The following RPTOR variants were observed in gnomAD, a reference collection of about 807,000 sequenced individuals.
RPTOR encodes regulatory associated protein of MTOR complex 1, also known as regulatory-associated protein of mTOR.
Under a neutral mutation model 169.9 loss-of-function variants are expected in RPTOR, and 21 were observed. That is an observed-to-expected ratio of 0.12 (90% CI 0.09 to 0.18). The LOEUF (loss-of-function observed/expected upper bound fraction) is 0.18, where lower values mean the gene tolerates loss of function less well. Ranked by LOEUF, RPTOR falls within the 10% of genes least tolerant of loss-of-function variation. RPTOR has a pLI of 1.00. For synonymous variants in RPTOR, 732 were observed against 753.2 expected (o/e 0.97, Z 0.46); for missense variants, 1,133 against 1,855.9 (o/e 0.61, Z 7.16).
intron 11 of RPTOR, among the ~76,000 whole-genome samples, chr17:80,853,523 T>C (rs920249789): frequency 5.3e-5 from 8 of 152,170 alleles, no homozygotes; most frequent in African/African-American, 1.9e-4. Context: ...CTACTGTCTG[T>C]GGTCACTCTC....
At chr17:80,798,908 C>T (rs1007684636) in intron 7 of RPTOR, among the ~76,000 whole-genome samples, 1 of 152,188 alleles carries the variant, frequency 6.6e-6, no homozygotes, top group African/African-American at 2.4e-5. Flanking sequence ...TCCCTACACA[C>T]CATGACTGTC....
intron 23 of RPTOR, 59 bp from the exon 24 acceptor site, chr17:80,925,311 A>C: frequency 1.4e-6 from 2 of 1,438,024 alleles, no homozygotes; most frequent in South Asian, 1.2e-5. Context: ...TGAGCTCAGG[A>C]GTGGCATGAC....
chr17:80,932,507 G>A (rs1170008591), intron 24 of RPTOR, among the ~76,000 whole-genome samples: 1 of 152,172 alleles, frequency 6.6e-6, no homozygotes, highest in Non-Finnish European at 1.5e-5. Context: ...GGCATTGACA[G>A]CAAAGGTAGA....
chr17:80,556,450 G>T (rs559062590), intron 1 of RPTOR, among the ~76,000 whole-genome samples: 25 of 152,246 alleles, frequency 1.6e-4, no homozygotes, highest in African/African-American at 4.8e-4. Flanking sequence ...GGTTGAGGCT[G>T]CAGTAGTAAG....
chr17:80,753,712 A>T (rs1038036064), intron 5 of RPTOR, among the ~76,000 whole-genome samples: 1 of 152,036 alleles, frequency 6.6e-6, no homozygotes, highest in Non-Finnish European at 1.5e-5. Flanking sequence ...CAGTGATACA[A>T]TCCTGGGGTA....
intron 2 of RPTOR, among the ~76,000 whole-genome samples, chr17:80,636,096 C>T (rs1363551287): frequency 6.6e-6 from 1 of 152,138 alleles, no homozygotes; most frequent in African/African-American, 2.4e-5. Context: ...TTTATTCCTT[C>T]CAGCTGTGCT....
intron 9 of RPTOR, among the ~76,000 whole-genome samples, chr17:80,832,799 T>C (rs1022934115): frequency 2.2e-4 from 33 of 152,270 alleles, no homozygotes; most frequent in Non-Finnish European, 3.1e-4. Context: ...ACAGGAAAGA[T>C]AGCAGAAAAG....
chr17:80,897,132 G>A (rs753690298), intron 20 of RPTOR, among the ~76,000 whole-genome samples: 1 of 151,876 alleles, frequency 6.6e-6, no homozygotes, highest in Non-Finnish European at 1.5e-5. Flanking sequence ...GTGGTGGTGC[G>A]CACCTGTAGT....
intron 4 of RPTOR, among the ~76,000 whole-genome samples, chr17:80,718,078 C>T (rs576638865): frequency 2.6e-5 from 4 of 152,280 alleles, no homozygotes; most frequent in Admixed American, 6.5e-5. Context: ...GAAGCTATTT[C>T]CACCCTTTGC....
At chr17:80,895,140 T>C (rs2068382205) in intron 20 of RPTOR, among the ~76,000 whole-genome samples, 1 of 152,216 alleles carries the variant, frequency 6.6e-6, no homozygotes, top group Admixed American at 6.5e-5. Context: ...ATTCAGCCCC[T>C]GCCACCATGG....
At chr17:80,921,022 G>C (rs1358636981) in intron 21 of RPTOR, among the ~76,000 whole-genome samples, 1 of 152,198 alleles carries the variant, frequency 6.6e-6, no homozygotes, top group Non-Finnish European at 1.5e-5. Context: ...GACAAGTTAT[G>C]GTTCCATTTT....
chr17:80,740,011 A>G (rs910523369), intron 5 of RPTOR, among the ~76,000 whole-genome samples: 21 of 152,222 alleles, frequency 1.4e-4, no homozygotes, highest in African/African-American at 4.3e-4. Flanking sequence ...AAAAAAAATC[A>G]ATAAAATGGA....
intron 1 of RPTOR, among the ~76,000 whole-genome samples, chr17:80,553,172 A>C (rs1015618082): frequency 2.0e-5 from 3 of 152,250 alleles, no homozygotes; most frequent in African/African-American, 7.2e-5. Flanking sequence ...TAAAGCAGTG[A>C]AAATGATGAC....
intron 21 of RPTOR, among the ~76,000 whole-genome samples, chr17:80,921,319 G>A (rs1357856106): frequency 6.6e-6 from 1 of 152,208 alleles, no homozygotes; most frequent in African/African-American, 2.4e-5. Flanking sequence ...TGGAGCAGCT[G>A]GCCCCATCCT....
At chr17:80,736,944 A>C (rs544887290) in intron 5 of RPTOR, among the ~76,000 whole-genome samples, 6 of 152,184 alleles carry the variant, frequency 3.9e-5, no homozygotes, top group Non-Finnish European at 7.3e-5. Flanking sequence ...CTTTCAAGCA[A>C]TGATTTTCAT....
rs1406115033 is a variant in RPTOR, at chr17:80,726,192, C to T, written c.508-4368C>T. ...AAAGCTGTTCTGTGGCGCAGCATCC[C>T]AGTGGCTGTTACGGGGTGAAAGCCC... On this transcript the variant is annotated intron_variant, in intron 4 of 33. Coordinates refer to ENST00000306801, the MANE Select transcript of RPTOR (RefSeq NM_020761.3). The surrounding 1 kb of genome is among the most constrained non-coding windows in gnomAD (Gnocchi z 4.5). 1.3e-5 allele frequency among the ~76,000 whole-genome samples: 2 copies of T among 152,200 alleles called. No homozygotes were observed. The highest frequency in any genetic ancestry group is 2.9e-5 in the Non-Finnish European group (2 of 68,032).
intron 13 of RPTOR, among the ~76,000 whole-genome samples, chr17:80,870,387 G>T (rs1405538319): frequency 6.6e-6 from 1 of 152,180 alleles, no homozygotes; most frequent in African/African-American, 2.4e-5. Context: ...CGTCTGTGCT[G>T]GTTCTCCTAC....
At chr17:80,927,426 A>G (rs1172295293) in intron 24 of RPTOR, among the ~76,000 whole-genome samples, 2 of 152,338 alleles carry the variant, frequency 1.3e-5, no homozygotes, top group East Asian at 3.9e-4. Flanking sequence ...GCCTATTCTC[A>G]GTCATCTATC....
In RPTOR at chr17:80,577,977, C is replaced by T. The variant is rs566967402; in HGVS notation, c.162+32186C>T. Among the ~76,000 whole-genome samples, 13 of 152,328 alleles carry T rather than the reference C, an allele frequency of 8.5e-5. No individual in the cohort carries two copies. The South Asian group carries it at 1.2e-3, about 15-fold the overall frequency. On this transcript the variant is annotated intron_variant, in intron 1 of 33. Coordinates refer to ENST00000306801, the MANE Select transcript of RPTOR (RefSeq NM_020761.3). ...CTGTGATGTGCGGCGCAGTCAAATG[C>T]GTCAGACCCTGGCTGTGTTCACAGA...
Sources: gnomAD v4.1 joint callset for allele counts (sites outside exome capture counted in the v4.1 genomes callset) on GRCh38, gnomAD v4.1.1 for gene constraint, Gnocchi (gnomAD v3.1) non-coding constraint, MANE v1.5 for transcripts, NCBI Gene and HGNC (gene_info 2026-07-23, HGNC 2026-07-21) for gene names.